CRPPA: variants seen among roughly 807,000 people sequenced by gnomAD.
CRPPA encodes CDP-L-ribitol pyrophosphorylase A, also known as D-ribitol-5-phosphate cytidylyltransferase.
Under a neutral mutation model 52.0 loss-of-function variants are expected in CRPPA, and 43 were observed. The observed-to-expected ratio is 0.83, with a 90% CI of 0.65 to 1.07. CRPPA has a LOEUF of 1.07. Ranked by LOEUF, CRPPA falls within the 50% of genes least tolerant of loss-of-function variation. The pLI is 0.00. For missense variants in CRPPA, 629 were observed against 551.7 expected (o/e 1.14, Z -1.40); for synonymous variants, 250 against 203.5 (o/e 1.23, Z -1.94).
At position 16,181,042 on chromosome 7, in the gene CRPPA, A is replaced by T. The variant is rs536327274; in HGVS notation, c.1251+35024T>A. ...GTAATTTTAGGTACAATGTTTGTAA[A>T]AAAAGCCATGATATAAAGATGAAGA... On this transcript the variant is annotated intron_variant, in intron 9 of 9. Transcript: ENST00000407010. 2.6e-5 allele frequency among the ~76,000 whole-genome samples: 4 copies of T among 152,112 alleles called. No homozygotes were observed. The South Asian group carries it at 6.2e-4, about 24-fold the overall frequency.
At chr7:16,319,445 T>C (rs1291673307) in intron 3 of CRPPA, among the ~76,000 whole-genome samples, 2 of 152,120 alleles carry the variant, frequency 1.3e-5, no homozygotes, top group Non-Finnish European at 1.5e-5. Context: ...ATGGATCCCC[T>C]AGCTTCTGTA....
chr7:16,322,233 C>A (rs771230959), intron 3 of CRPPA, among the ~76,000 whole-genome samples: 1 of 152,062 alleles, frequency 6.6e-6, no homozygotes, highest in East Asian at 1.9e-4. Flanking sequence ...GAAATAAAAG[C>A]GGAAGGGAAA....
At chr7:16,384,188 T>C (rs1017709131) in intron 2 of CRPPA, among the ~76,000 whole-genome samples, 6 of 152,046 alleles carry the variant, frequency 3.9e-5, no homozygotes, top group Non-Finnish European at 8.8e-5. Context: ...CTGGGGTTGA[T>C]GTGGTGATTT....
Position 16,167,444 on chromosome 7 carries a change from A to T in CRPPA, c.1251+48622T>A, listed in dbSNP as rs151120100. Among the ~76,000 whole-genome samples, 1,157 of 152,328 alleles carry T rather than the reference A, an allele frequency of 7.6e-3. 8 individuals carry two copies. Among genetic ancestry groups the T allele is most frequent in the Middle Eastern group, 0.02 (6 of 294 alleles). On this transcript the variant is annotated intron_variant, in intron 9 of 9. Coordinates refer to ENST00000407010, the MANE Select transcript of CRPPA (RefSeq NM_001101426.4). ...ATAAGAAGGTGATCAGTACATTCAAATATATTAAGAAATTAAAATATCTGC... is the reference window on the plus strand; with the variant it reads ...ATAAGAAGGTGATCAGTACATTCAATTATATTAAGAAATTAAAATATCTGC...
chr7:16,289,576 A>G (rs547656960), intron 5 of CRPPA, among the ~76,000 whole-genome samples: 1 of 152,322 alleles, frequency 6.6e-6, no homozygotes, highest in Non-Finnish European at 1.5e-5. Context: ...TAAAGGCCAA[A>G]AACCATATGA....
At chr7:16,095,144 G>T (rs948698517) in intron 9 of CRPPA, among the ~76,000 whole-genome samples, 3 of 152,094 alleles carry the variant, frequency 2.0e-5, no homozygotes, top group Non-Finnish European at 4.4e-5. Flanking sequence ...CTTTCAAAAA[G>T]ATATTTTTTA....
chr7:16,176,695 G>A (rs1163274131), intron 9 of CRPPA, among the ~76,000 whole-genome samples: 1 of 152,074 alleles, frequency 6.6e-6, no homozygotes, highest in Non-Finnish European at 1.5e-5. Flanking sequence ...TCTCACCTCA[G>A]CCTCCGCAGT....
chr7:16,372,242 G>C (rs1443918166), intron 3 of CRPPA, among the ~76,000 whole-genome samples: 1 of 152,166 alleles, frequency 6.6e-6, no homozygotes, highest in East Asian at 1.9e-4. Context: ...AAGGCACATA[G>C]TCATCAGGCT....
chr7:16,259,515 A>T (rs897469922), intron 6 of CRPPA, among the ~76,000 whole-genome samples: 4 of 152,148 alleles, frequency 2.6e-5, no homozygotes, highest in Admixed American at 2.0e-4. Context: ...AACTATTCCT[A>T]AAACTGTCGG....
intron 9 of CRPPA, among the ~76,000 whole-genome samples, chr7:16,098,336 C>T (rs1478326552): frequency 1.3e-5 from 2 of 152,112 alleles, no homozygotes; most frequent in African/African-American, 4.8e-5. Context: ...TGTATTTAGG[C>T]TTTAGATGTC....
At chr7:16,149,531 C>T (rs1783035030) in intron 9 of CRPPA, among the ~76,000 whole-genome samples, 1 of 152,066 alleles carries the variant, frequency 6.6e-6, no homozygotes, top group South Asian at 2.1e-4. Flanking sequence ...GAAATGAAGG[C>T]CATTATCTTG....
intron 9 of CRPPA, among the ~76,000 whole-genome samples, chr7:16,131,155 G>A (rs1782673495): frequency 6.6e-6 from 1 of 152,168 alleles, no homozygotes; most frequent in Non-Finnish European, 1.5e-5. Flanking sequence ...ACAAAGTGGG[G>A]GCTGCTGTAA....
intron 9 of CRPPA, among the ~76,000 whole-genome samples, chr7:16,188,959 A>T (rs1028812398): frequency 1.3e-5 from 2 of 152,168 alleles, no homozygotes; most frequent in Non-Finnish European, 2.9e-5. Context: ...TAGTCAGAAT[A>T]ATTGAAAATA....
intron 3 of CRPPA, among the ~76,000 whole-genome samples, chr7:16,345,908 T>TA (rs1461183046): frequency 6.6e-6 from 1 of 152,198 alleles, no homozygotes; most frequent in Non-Finnish European, 1.5e-5. Flanking sequence ...CTCATTAAGT[T>TA]ATAAAAGCTT....
chr7:16,315,900 T>C (rs780570425), intron 3 of CRPPA, among the ~76,000 whole-genome samples: 1 of 152,146 alleles, frequency 6.6e-6, no homozygotes, highest in African/African-American at 2.4e-5. Flanking sequence ...CTCTCCAGTT[T>C]TGAGGACAGC....
At chr7:16,276,073 A>G (rs1433042382) in intron 6 of CRPPA, among the ~76,000 whole-genome samples, 2 of 152,116 alleles carry the variant, frequency 1.3e-5, no homozygotes, top group African/African-American at 4.8e-5. Context: ...AGAAATGAAG[A>G]CTAAATTAGA....
chr7:16,331,941 T>G (rs1328833961), intron 3 of CRPPA, among the ~76,000 whole-genome samples: 2 of 152,146 alleles, frequency 1.3e-5, no homozygotes, highest in African/African-American at 4.8e-5. Context: ...TGACTGATAA[T>G]TTCTCCAAAT....
At chr7:16,159,224 C>T (rs974262855) in intron 9 of CRPPA, among the ~76,000 whole-genome samples, 1 of 152,136 alleles carries the variant, frequency 6.6e-6, no homozygotes, top group African/African-American at 2.4e-5. Flanking sequence ...TGAGACCAGC[C>T]TGGCCAACAT....
intron 3 of CRPPA, among the ~76,000 whole-genome samples, chr7:16,367,200 C>T (rs1362846661): frequency 6.6e-6 from 1 of 151,966 alleles, no homozygotes; most frequent in Non-Finnish European, 1.5e-5. Flanking sequence ...GCCTTCTTAT[C>T]TCTTTCTACT....
Sources: allele counts gnomAD v4.1 joint callset (sites outside exome capture counted in the v4.1 genomes callset), GRCh38; gene constraint gnomAD v4.1.1; transcripts MANE v1.5; gene names NCBI Gene and HGNC (gene_info 2026-07-23, HGNC 2026-07-21).